Variants in GRM6 observed in about 807,000 individuals in gnomAD.
GRM6 encodes glutamate metabotropic receptor 6.
GRM6 carries 73 observed loss-of-function variants against 78.4 expected under a neutral mutation model. That is an observed-to-expected ratio of 0.93 (90% CI 0.77 to 1.13). The LOEUF (loss-of-function observed/expected upper bound fraction) is 1.13. GRM6 is among the 50% of genes most tolerant of loss of function. The pLI, the probability that GRM6 is intolerant of heterozygous loss-of-function variation, is 0.00. For missense variants in GRM6, 1,251 were observed against 1,256.4 expected (o/e 1.00, Z 0.07); for synonymous variants, 580 against 555.0 (o/e 1.05, Z -0.63).
rs767912056 is a variant in GRM6 at position 178,990,709 on chromosome 5, C to T, written c.895G>A (p.Gly299Ser). ...LEAARQANLT[G>S]HFLWVGSDSW... ...TCTGAGCCGACCCACAGGAAGTGGC[C>T]GGTCAGGTTGGCCTGGCGAGCTGCC... is the stretch of plus-strand genomic sequence containing the variant. Residue 299 changes from glycine (G) to serine (S), a missense_variant, in exon 5 of 11, where the codon GGC (glycine) becomes AGC (serine). Transcript: ENST00000517717. 4.3e-5 allele frequency: 68 copies of T among 1,588,692 alleles called. No homozygotes were observed. In the East Asian group the frequency reaches 9.9e-4, roughly 23 times the overall value.
In GRM6 at chr5:178,991,762, G is replaced by A. The variant is rs577103136; in HGVS notation, c.721+105C>T. ...CATGGAGCACCAGCCAGGCAACCTCGGCCCAGCATGGACCTGGGCCCCCCA... is the reference window on the plus strand; with the variant it reads ...CATGGAGCACCAGCCAGGCAACCTCAGCCCAGCATGGACCTGGGCCCCCCA... On this transcript the variant is annotated intron_variant, in intron 3 of 10. Coordinates refer to ENST00000517717, the MANE Select transcript of GRM6 (RefSeq NM_000843.4). This position sits in a 1 kb window ranked among gnomAD's most constrained non-coding sequence, Gnocchi z 5.0. 25 of 1,171,270 alleles carry A rather than the reference G, an allele frequency of 2.1e-5. No individual in the cohort carries two copies. Among genetic ancestry groups the A allele is most frequent in the African/African-American group, 1.4e-4 (9 of 66,174 alleles). 72.6% of individuals were successfully genotyped at this position (1,171,270 alleles called of 1,614,324 possible).
chr5:178,989,436 G>A (rs760266451), intron 5 of GRM6, 31 bp from the exon 6 acceptor site: 38 of 1,613,174 alleles, frequency 2.4e-5, no homozygotes, highest in Admixed American at 1.7e-4. Flanking sequence ...GGAGGGTGGC[G>A]CTGACCTGAG....
chr5:178,994,549 T>TC lies in GRM6; in HGVS notation c.395dup (p.Gly133ArgfsTer56). 7.4e-7 allele frequency: 1 copy of TC among 1,353,482 alleles called. No homozygotes were observed. The allele number at this position is 1,353,482 out of a possible 1,614,324, so 83.8% of individuals were successfully genotyped here. A position where few individuals can be genotyped will look rare whatever the true frequency, so the allele number is the denominator to read the frequency against. ...GCGCGGGGCGCAGCGGAGGGACGCC[T>TC]CCCGGGCAGCGCACGCCCACCTCGT... On this transcript the variant is annotated frameshift_variant, in exon 2 of 11. Transcript: ENST00000517717. LOFTEE classifies it high-confidence loss of function.
At chr5:178,985,526 G>A (rs112943811) in intron 9 of GRM6, 10,581 of 338,134 alleles carry the variant, frequency 0.031, 492 homozygotes, top group African/African-American at 0.14. Context: ...ACACGGTGAA[G>A]CCCTGTCTCT....
chr5:178,985,488 G>T (rs1464105025), intron 9 of GRM6: 2 of 342,720 alleles, frequency 5.8e-6, no homozygotes, highest in Non-Finnish European at 1.1e-5. Context: ...CGGATCACGA[G>T]GTCAGGAGAT....
chr5:178,987,775 T>C (rs576781668), intron 7 of GRM6, among the ~76,000 whole-genome samples: 5 of 152,216 alleles, frequency 3.3e-5, no homozygotes, highest in Non-Finnish European at 7.4e-5. Flanking sequence ...ATTTATTTAT[T>C]TAGAGACAGA....
Position 178,986,313 on chromosome 5 carries a change from G to A in GRM6, c.1941C>T (p.Ala647=), listed in dbSNP as rs149210562. The change falls in exon 9 of 11, where the codon GCC becomes GCT. Residue 647 remains alanine (A), a synonymous_variant. Transcript: ENST00000517717. ...AGAGCCTGCGGGCGGCACAGACCGC[G>A]GCCCCAGGCTCAGCCACCATGAGGA... is the stretch of plus-strand genomic sequence containing the variant. The part of the protein sequence containing the change: ...ITFLMVAEPG[A]AVCAARRLFL... The A allele has an allele frequency of 3.8e-4, 612 of 1,614,040 alleles. 1 individual carries two copies. Among genetic ancestry groups the A allele is most frequent in the African/African-American group, 8.5e-4 (64 of 75,066 alleles).
Position 178,979,462 on chromosome 5 carries a change from G to A in GRM6, c.*2195C>T, listed in dbSNP as rs113637429. Reference sequence around the variant, plus strand: ...ATGCTGTGGAGATACCCTGCAAGTAGACCGAATGTGAGAAAGCCACAGGAG... The same window carrying A: ...ATGCTGTGGAGATACCCTGCAAGTAAACCGAATGTGAGAAAGCCACAGGAG... On this transcript the variant is annotated 3_prime_UTR_variant, in exon 11 of 11. Transcript: ENST00000517717. 27 of 152,360 alleles carry A rather than the reference G, an allele frequency of 1.8e-4. No individual in the cohort carries two copies. Among genetic ancestry groups the A allele is most frequent in the African/African-American group, 6.3e-4 (26 of 41,580 alleles). 9.4% of individuals were successfully genotyped at this position (152,360 alleles called of 1,614,324 possible). A position where few individuals can be genotyped will look rare whatever the true frequency, so the allele number is the denominator to read the frequency against.
chr5:178,985,528 CCT>C (rs1760504352), intron 9 of GRM6: 1 of 338,612 alleles, frequency 3.0e-6, no homozygotes, highest in Non-Finnish European at 5.8e-6. Flanking sequence ...ACGGTGAAGC[CCT>C]GTCTCTACTA....
At position 178,980,261 on chromosome 5, in the gene GRM6, A is replaced by C. The variant is rs1272126837; in HGVS notation, c.*1396T>G. 6.5e-6 allele frequency: 1 copy of C among 154,378 alleles called. No homozygotes were observed. Among genetic ancestry groups the C allele is most frequent in the Non-Finnish European group, 1.5e-5 (1 of 68,210 alleles). 9.6% of individuals were successfully genotyped at this position (154,378 alleles called of 1,614,324 possible). A position where few individuals can be genotyped will look rare whatever the true frequency, so the allele number is the denominator to read the frequency against. On this transcript the variant is annotated 3_prime_UTR_variant, in exon 11 of 11. Coordinates refer to ENST00000517717, the MANE Select transcript of GRM6 (RefSeq NM_000843.4). The surrounding 1 kb of genome is among the most constrained non-coding windows in gnomAD (Gnocchi z 4.3). ...ATCTTAAACAGTGGTCAATTTAACA[A>C]ATGTAAATTCTACTCCCAGGGACAT... is the stretch of plus-strand genomic sequence containing the variant.
rs565994418 is a variant in GRM6, at chr5:178,985,507, T to C, written c.2124+623A>G. On this transcript the variant is annotated intron_variant, in intron 9 of 10. Transcript: ENST00000517717. ...TCACGAGGTCAGGAGATCGAGACCATCCTGGCTAACACGGTGAAGCCCTGT... is the reference window on the plus strand; with the variant it reads ...TCACGAGGTCAGGAGATCGAGACCACCCTGGCTAACACGGTGAAGCCCTGT... The C allele has an allele frequency of 1.3e-3, 436 of 338,670 alleles. 2 individuals are homozygous for C. The highest frequency in any genetic ancestry group is 8.4e-3 in the East Asian group (100 of 11,928). 21.0% of individuals were successfully genotyped at this position (338,670 alleles called of 1,614,324 possible).
Position 178,991,597 on chromosome 5 carries a change from C to T in GRM6, c.722-38G>A, listed in dbSNP as rs1760675307. ...GGTGCCAGAGTCAGCTTCCGTCCCACCCACCCACACACCCACCTGGCCACC... is the reference window on the plus strand; with the variant it reads ...GGTGCCAGAGTCAGCTTCCGTCCCATCCACCCACACACCCACCTGGCCACC... On this transcript the variant is annotated intron_variant, in intron 3 of 10. Coordinates refer to ENST00000517717, the MANE Select transcript of GRM6 (RefSeq NM_000843.4). This position sits in a 1 kb window ranked among gnomAD's most constrained non-coding sequence, Gnocchi z 5.0. 6.2e-7 allele frequency: 1 copy of T among 1,607,164 alleles called. No homozygotes were observed. The highest frequency in any genetic ancestry group is 1.3e-5 in the African/African-American group (1 of 74,812).
At position 178,978,347 on chromosome 5, in the gene GRM6, A is replaced by G. The variant is rs549290725; in HGVS notation, c.*3310T>C. The G allele has an allele frequency of 6.6e-6, 1 of 152,368 alleles. No individual in the cohort carries two copies. Among genetic ancestry groups the G allele is most frequent in the Non-Finnish European group, 1.5e-5 (1 of 68,036 alleles). The allele number at this position is 152,368 out of a possible 1,614,324, so 9.4% of individuals were successfully genotyped here. On this transcript the variant is annotated 3_prime_UTR_variant, in exon 11 of 11. Transcript: ENST00000517717. ...CAAACTTTTGGGAAAAGTTAAATTT[A>G]TTGAACAGGAAGTAACTGAATAAAG...
intron 2 of GRM6, 140 bp downstream of exon 2, chr5:178,994,301 G>A: frequency 1.4e-6 from 1 of 702,408 alleles, no homozygotes; most frequent in Non-Finnish European, 2.1e-6. Flanking sequence ...TCAACTGACA[G>A]GGCTTCTTTG....
intron 4 of GRM6, 73 bp from the exon 5 acceptor site, chr5:178,990,819 C>A: frequency 8.2e-7 from 1 of 1,214,858 alleles, no homozygotes; most frequent in Non-Finnish European, 1.2e-6. Context: ...CCTTCCCACT[C>A]TATCCATCTC....
chr5:178,994,880 G>A lies in GRM6; in HGVS notation c.65C>T (p.Ala22Val). 8.3e-7 allele frequency: 1 copy of A among 1,203,566 alleles called. No individual in the cohort carries two copies. 74.6% of individuals were successfully genotyped at this position (1,203,566 alleles called of 1,614,324 possible). The change falls in exon 2 of 11, where the codon GCG becomes GTG. Residue 22 changes from alanine to valine, a missense_variant. Transcript: ENST00000517717. ...CGCCGCGCGCGCCAGGCCCGCCTGC[G>A]CCAGCCACGCCAGCGGCAGCAGCGC... ...LVALLPLAWL[A>V]QAGLARAAGS...
chr5:178,982,867 C>T (rs1760426492), intron 10 of GRM6, 43 bp downstream of exon 10: 1 of 1,392,020 alleles, frequency 7.2e-7, no homozygotes, highest in East Asian at 2.3e-5. Flanking sequence ...ACCAGCCTGA[C>T]AGGCAGGAAA....
In GRM6 at chr5:178,988,827, C is replaced by T; in HGVS notation, c.1354+108G>A. The T allele has an allele frequency of 1.1e-6, 1 of 872,220 alleles. No homozygotes were observed. Among genetic ancestry groups the T allele is most frequent in the Admixed American group, 2.1e-5 (1 of 48,332 alleles). 54.0% of individuals were successfully genotyped at this position (872,220 alleles called of 1,614,324 possible). On this transcript the variant is annotated intron_variant, in intron 7 of 10. Transcript: ENST00000517717. The surrounding 1 kb of genome is among the most constrained non-coding windows in gnomAD (Gnocchi z 6.0). Reference sequence around the variant, plus strand: ...TCAGCCCCAGGCACCCCCATTAGACCACTCAGCCTCACCCAGCCCTTCCAC... The same window carrying T: ...TCAGCCCCAGGCACCCCCATTAGACTACTCAGCCTCACCCAGCCCTTCCAC...
Position 178,991,595 on chromosome 5 carries a change from C to T in GRM6, c.722-36G>A, listed in dbSNP as rs745518841. The T allele has an allele frequency of 3.0e-5, 48 of 1,607,540 alleles. No individual in the cohort carries two copies. The highest frequency in any genetic ancestry group is 4.0e-5 in the Non-Finnish European group (47 of 1,174,824). ...GGGGTGCCAGAGTCAGCTTCCGTCCCACCCACCCACACACCCACCTGGCCA... is the reference window on the plus strand; with the variant it reads ...GGGGTGCCAGAGTCAGCTTCCGTCCTACCCACCCACACACCCACCTGGCCA... On this transcript the variant is annotated intron_variant, in intron 3 of 10. Transcript: ENST00000517717. The surrounding 1 kb of genome is among the most constrained non-coding windows in gnomAD (Gnocchi z 5.0).
Sources: allele counts gnomAD v4.1 joint callset (sites outside exome capture counted in the v4.1 genomes callset), GRCh38; gene constraint gnomAD v4.1.1; non-coding constraint Gnocchi (gnomAD v3.1); transcripts MANE v1.5; gene names NCBI Gene and HGNC (gene_info 2026-07-23, HGNC 2026-07-21).